The following TRDN variants were observed in gnomAD, a reference collection of about 807,000 sequenced individuals.
The protein encoded by TRDN is triadin in skeletal muscle.
TRDN carries 161 observed loss-of-function variants against 149.7 expected under a neutral mutation model. The observed-to-expected ratio is 1.08, with a 90% CI of 0.95 to 1.23. TRDN has a LOEUF of 1.23. Among genes scored for constraint, TRDN ranks in the 50% most tolerant of loss-of-function variants. The pLI is 0.00. For synonymous variants in TRDN, 294 were observed against 250.5 expected (o/e 1.17, Z -1.64); for missense variants, 896 against 823.5 (o/e 1.09, Z -1.08).
At chr6:123,437,836 G>T (rs1019630951) in intron 12 of TRDN, among the ~76,000 whole-genome samples, 4 of 152,138 alleles carry the variant, frequency 2.6e-5, no homozygotes, top group African/African-American at 9.6e-5. Context: ...TTTTTTGGGG[G>T]GGAATTGAGT....
At chr6:123,252,552 T>C (rs1776411904) in intron 37 of TRDN, 117 bp from the exon 38 acceptor site, 1 of 537,364 alleles carries the variant, frequency 1.9e-6, no homozygotes, top group South Asian at 3.2e-5. Flanking sequence ...TATTTAAGAA[T>C]CAATGAAGAA....
intron 10 of TRDN, among the ~76,000 whole-genome samples, chr6:123,452,281 C>T (rs191626605): frequency 6.6e-4 from 100 of 152,144 alleles, no homozygotes; most frequent in Non-Finnish European, 1.3e-3. Flanking sequence ...AAAGAGCATT[C>T]AGATCGGGAA....
chr6:123,368,115 G>C (rs1781184391), intron 19 of TRDN, among the ~76,000 whole-genome samples: 1 of 152,126 alleles, frequency 6.6e-6, no homozygotes, highest in South Asian at 2.1e-4. Context: ...CCTGATGGTA[G>C]TCTTCTAAAA....
At chr6:123,561,804 G>A (rs1012921671) in intron 2 of TRDN, among the ~76,000 whole-genome samples, 1 of 151,942 alleles carries the variant, frequency 6.6e-6, no homozygotes, top group African/African-American at 2.4e-5. Context: ...AGGTTCCCAT[G>A]CCGCCCCAAT....
chr6:123,357,715 T>C (rs922918449), intron 20 of TRDN, among the ~76,000 whole-genome samples: 3 of 152,196 alleles, frequency 2.0e-5, no homozygotes, highest in African/African-American at 4.8e-5. Flanking sequence ...TAAGTATGTT[T>C]AGGAAATACA....
chr6:123,530,789 T>G (rs1780207346), intron 4 of TRDN, among the ~76,000 whole-genome samples: 1 of 151,948 alleles, frequency 6.6e-6, no homozygotes, highest in Non-Finnish European at 1.5e-5. Flanking sequence ...TAGAGTTATT[T>G]GGAAAAGCTT....
rs947096255 is a variant in TRDN at position 123,271,177 on chromosome 6, A to G, written c.1682T>C (p.Val561Ala). Residue 561 changes from valine (V) to alanine (A), a missense_variant, in exon 30 of 41, where the codon GTT (valine) becomes GCT (alanine). Val to Ala is a moderately conservative substitution (Grantham distance 64). Transcript: ENST00000334268. ...TGTGACAGCTTTTACCTGCTTGAGAACTTTTTCTTCTGTGATAGGAAAAAA... is the reference window on the plus strand; with the variant it reads ...TGTGACAGCTTTTACCTGCTTGAGAGCTTTTTCTTCTGTGATAGGAAAAAA... ...TVSHGKPEEK[V>A]LKQVKAVTIE... 5 of 1,540,194 alleles carry G rather than the reference A, an allele frequency of 3.2e-6. No individual in the cohort carries two copies. Among genetic ancestry groups the G allele is most frequent in the Non-Finnish European group, 4.4e-6 (5 of 1,143,650 alleles).
chr6:123,522,587 T>G (rs1200269437), intron 5 of TRDN, among the ~76,000 whole-genome samples: 2 of 151,110 alleles, frequency 1.3e-5, no homozygotes, highest in East Asian at 3.9e-4. Context: ...TAATTTTAGT[T>G]GTTTCAGTGT....
chr6:123,468,539 T>C (rs1776966871), intron 9 of TRDN, among the ~76,000 whole-genome samples: 1 of 152,212 alleles, frequency 6.6e-6, no homozygotes, highest in African/African-American at 2.4e-5. Flanking sequence ...GCATTCATTC[T>C]AATGATCTAA....
At chr6:123,471,364 C>T (rs1405506392) in intron 9 of TRDN, 1 of 152,196 alleles carries the variant, frequency 6.6e-6, no homozygotes, top group Non-Finnish European at 1.5e-5. Flanking sequence ...GTAGTTTTCA[C>T]TTTGCTGGAG....
chr6:123,260,965 T>C (rs1776750965), intron 33 of TRDN, among the ~76,000 whole-genome samples: 1 of 151,744 alleles, frequency 6.6e-6, no homozygotes, highest in Non-Finnish European at 1.5e-5. Flanking sequence ...ATCATTAATT[T>C]AGTGTGTGCA....
At chr6:123,611,295 A>G (rs1038013217) in intron 1 of TRDN, among the ~76,000 whole-genome samples, 2 of 152,234 alleles carry the variant, frequency 1.3e-5, no homozygotes, top group Non-Finnish European at 2.9e-5. Flanking sequence ...TGAATTGAGT[A>G]GAACAAAAAT....
chr6:123,451,828 C>A (rs6931676), intron 10 of TRDN, among the ~76,000 whole-genome samples: 141 of 152,014 alleles, frequency 9.3e-4, no homozygotes, highest in Non-Finnish European at 1.5e-3. Context: ...CCTTGATGAA[C>A]ATAAATGTTA....
At chr6:123,493,234 A>C (rs1369060638) in intron 9 of TRDN, among the ~76,000 whole-genome samples, 1 of 152,174 alleles carries the variant, frequency 6.6e-6, no homozygotes, top group Non-Finnish European at 1.5e-5. Context: ...AGAGTAAGTC[A>C]GTACAAGAGA....
chr6:123,596,157 A>T (rs1370914884), intron 1 of TRDN, among the ~76,000 whole-genome samples: 1 of 152,076 alleles, frequency 6.6e-6, no homozygotes, highest in Non-Finnish European at 1.5e-5. Flanking sequence ...AAAAAGCAAA[A>T]CAGCCTTAAT....
Position 123,548,612 on chromosome 6 carries a change from G to A in TRDN, c.233C>T (p.Ala78Val). 1 of 1,353,558 alleles carries A rather than the reference G, an allele frequency of 7.4e-7. No homozygotes were observed. Among genetic ancestry groups the A allele is most frequent in the Non-Finnish European group, 9.5e-7 (1 of 1,054,406 alleles). The allele number at this position is 1,353,558 out of a possible 1,614,324, so 83.8% of individuals were successfully genotyped here. A position where few individuals can be genotyped will look rare whatever the true frequency, so the allele number is the denominator to read the frequency against. Residue 78 changes from alanine to valine, a missense_variant and splice_region_variant, in exon 3 of 41, where the codon GCA becomes GTA. Physicochemically the swap from Ala to Val is moderately conservative, Grantham distance 64. Coordinates refer to ENST00000334268, the MANE Select transcript of TRDN (RefSeq NM_006073.4). ...TGAGCCAATCTTGGCAATAGAGCTT[G>A]CTAAAAGTAATTAAAAAAAAAAAAA... Reference protein sequence around the residue: ...FDLVDYKNFSASSIAKIGSDP... With the variant: ...FDLVDYKNFSVSSIAKIGSDP...
At chr6:123,410,107 G>T (rs1773369650) in intron 12 of TRDN, among the ~76,000 whole-genome samples, 1 of 152,172 alleles carries the variant, frequency 6.6e-6, no homozygotes, top group Non-Finnish European at 1.5e-5. Flanking sequence ...GCTTTGGCAG[G>T]TTTAAGTGGA....
At chr6:123,254,910 T>A (rs1454640185) in intron 37 of TRDN, 171 bp downstream of exon 37, 1 of 550,742 alleles carries the variant, frequency 1.8e-6, no homozygotes, top group East Asian at 3.4e-5. Context: ...TTATTTTCTA[T>A]TGAAATATAA....
chr6:123,561,786 C>T (rs187445622), intron 2 of TRDN, among the ~76,000 whole-genome samples: 80 of 152,226 alleles, frequency 5.3e-4, no homozygotes, highest in East Asian at 3.5e-3. Context: ...CTTAATCTCT[C>T]CCACTCTAGG....
Sources: allele counts gnomAD v4.1 joint callset (sites outside exome capture counted in the v4.1 genomes callset), GRCh38; gene constraint gnomAD v4.1.1; transcripts MANE v1.5; gene names NCBI Gene and HGNC (gene_info 2026-07-23, HGNC 2026-07-21).